Variants in CLINT1 observed in about 807,000 individuals in gnomAD.
CLINT1 encodes clathrin interactor 1.
A neutral mutation model predicts 70.4 loss-of-function variants in CLINT1; 15 were observed. That is an observed-to-expected ratio of 0.21 (90% CI 0.14 to 0.33). CLINT1 has a LOEUF of 0.33. Ranked by LOEUF, CLINT1 falls within the 10% of genes least tolerant of loss-of-function variation. CLINT1 has a pLI of 1.00. For synonymous variants in CLINT1, 227 were observed against 254.7 expected (o/e 0.89, Z 1.04); for missense variants, 615 against 778.1 (o/e 0.79, Z 2.49).
chr5:157,828,742 A>C, intron 1 of CLINT1, among the ~76,000 whole-genome samples: 1 of 151,994 alleles, frequency 6.6e-6, no homozygotes, highest in Admixed American at 6.6e-5. Flanking sequence ...GATCACCCCT[A>C]ACTCCCCTGA....
intron 8 of CLINT1, among the ~76,000 whole-genome samples, chr5:157,801,364 G>A (rs541125394): frequency 1.1e-4 from 16 of 150,670 alleles, no homozygotes; most frequent in East Asian, 2.0e-4. Context: ...AAAATCAGCC[G>A]GGCGTGGTGG....
chr5:157,846,343 G>T (rs1318236357), intron 1 of CLINT1, among the ~76,000 whole-genome samples: 1 of 152,042 alleles, frequency 6.6e-6, no homozygotes, highest in African/African-American at 2.4e-5. Flanking sequence ...CTGATATGGA[G>T]AAAGTTTGAG....
At chr5:157,836,852 G>A (rs142565477) in intron 1 of CLINT1, among the ~76,000 whole-genome samples, 101 of 152,200 alleles carry the variant, frequency 6.6e-4, no homozygotes, top group African/African-American at 2.3e-3. Context: ...ATTCTTAACT[G>A]CAGCCTCTTT....
At chr5:157,829,920 T>C (rs1424421269) in intron 1 of CLINT1, among the ~76,000 whole-genome samples, 1 of 152,060 alleles carries the variant, frequency 6.6e-6, no homozygotes, top group Admixed American at 6.6e-5. Flanking sequence ...AAGAAACTCA[T>C]TTTGGTATAT....
intron 7 of CLINT1, among the ~76,000 whole-genome samples, chr5:157,804,835 G>C (rs1353420326): frequency 6.6e-6 from 1 of 152,058 alleles, no homozygotes; most frequent in Non-Finnish European, 1.5e-5. Context: ...GCTGAGGCAG[G>C]AGAATCACTT....
chr5:157,799,022 A>G (rs1762141095), intron 8 of CLINT1, among the ~76,000 whole-genome samples: 1 of 152,098 alleles, frequency 6.6e-6, no homozygotes, highest in Admixed American at 6.5e-5. Flanking sequence ...AACAAATGAA[A>G]AGTCATATCT....
chr5:157,843,408 G>A (rs1397082989), intron 1 of CLINT1, among the ~76,000 whole-genome samples: 2 of 152,120 alleles, frequency 1.3e-5, no homozygotes, highest in Non-Finnish European at 2.9e-5. Flanking sequence ...GTTGGTAGTG[G>A]GTGTCCCAAA....
intron 8 of CLINT1, among the ~76,000 whole-genome samples, chr5:157,801,499 T>A (rs1762220788): frequency 1.3e-5 from 2 of 150,468 alleles, no homozygotes; most frequent in Admixed American, 6.6e-5. Context: ...AGGGCGAAAC[T>A]CTGTCTCAAA....
At chr5:157,790,976 A>G (rs1761883829) in intron 10 of CLINT1, among the ~76,000 whole-genome samples, 1 of 152,200 alleles carries the variant, frequency 6.6e-6, no homozygotes, top group African/African-American at 2.4e-5. Context: ...TTTACAACCA[A>G]TGAGTGATAT....
chr5:157,811,705 T>C (rs1762565841), intron 5 of CLINT1, among the ~76,000 whole-genome samples: 1 of 152,110 alleles, frequency 6.6e-6, no homozygotes, highest in Admixed American at 6.5e-5. Flanking sequence ...TGTGACTGAG[T>C]TTGAAAACGT....
intron 8 of CLINT1, among the ~76,000 whole-genome samples, chr5:157,798,136 C>T (rs1385870169): frequency 6.6e-6 from 1 of 152,158 alleles, no homozygotes; most frequent in African/African-American, 2.4e-5. Flanking sequence ...AAATGTTTCT[C>T]TCCTAAGACT....
intron 1 of CLINT1, among the ~76,000 whole-genome samples, chr5:157,830,039 C>T (rs1044504930): frequency 2.6e-5 from 4 of 152,184 alleles, no homozygotes; most frequent in African/African-American, 9.7e-5. Context: ...GTCTTGACCT[C>T]CCAGGCTCAA....
intron 3 of CLINT1, among the ~76,000 whole-genome samples, chr5:157,816,263 CA>C (rs1227363509): frequency 6.6e-6 from 1 of 151,974 alleles, no homozygotes; most frequent in Non-Finnish European, 1.5e-5. Flanking sequence ...TATATGAGAT[CA>C]GAACAAAAGG....
intron 1 of CLINT1, among the ~76,000 whole-genome samples, chr5:157,831,616 G>A (rs1379365709): frequency 6.6e-6 from 1 of 151,962 alleles, no homozygotes; most frequent in African/African-American, 2.4e-5. Context: ...TGTTCATAGG[G>A]GCCAATTAAA....
rs1442110391 is a variant in CLINT1, at chr5:157,859,137, T to C, written c.-167A>G. ...CAGCAGCGGCGCCGCCGGTGACACG[T>C]CGAGACGCGGCAGCACAGGCGCTGC... On this transcript the variant is annotated 5_prime_UTR_variant, in exon 1 of 12. Coordinates refer to ENST00000411809, the MANE Select transcript of CLINT1 (RefSeq NM_014666.4). 1 of 622,712 alleles carries C rather than the reference T, an allele frequency of 1.6e-6. No individual in the cohort carries two copies. The highest frequency in any genetic ancestry group is 2.7e-6 in the Non-Finnish European group (1 of 376,024). The allele number at this position is 622,712 out of a possible 1,614,324, so 38.6% of individuals were successfully genotyped here.
At chr5:157,834,155 G>A (rs1220691764) in intron 1 of CLINT1, among the ~76,000 whole-genome samples, 3 of 151,866 alleles carry the variant, frequency 2.0e-5, no homozygotes, top group Admixed American at 2.0e-4. Flanking sequence ...GCTCAGTTCA[G>A]GAGTTCGAGA....
At chr5:157,819,757 T>C (rs544628879) in intron 1 of CLINT1, among the ~76,000 whole-genome samples, 49 of 152,336 alleles carry the variant, frequency 3.2e-4, no homozygotes, top group African/African-American at 1.1e-3. Context: ...GAAATCTCTT[T>C]GCATTGTTTA....
intron 1 of CLINT1, among the ~76,000 whole-genome samples, chr5:157,822,587 A>G (rs1262023774): frequency 6.6e-6 from 1 of 152,220 alleles, no homozygotes; most frequent in South Asian, 2.1e-4. Context: ...CAGTTAGTCA[A>G]GGGTCAACTA....
At chr5:157,790,716 G>C in intron 10 of CLINT1, 3 of 444,320 alleles carry the variant, frequency 6.8e-6, no homozygotes, top group Admixed American at 5.0e-5. Context: ...GTCAAAAATA[G>C]CAAGTTCCTG....
Sources: allele counts gnomAD v4.1 joint callset (sites outside exome capture counted in the v4.1 genomes callset), GRCh38; gene constraint gnomAD v4.1.1; transcripts MANE v1.5; gene names NCBI Gene and HGNC (gene_info 2026-07-23, HGNC 2026-07-21).